The following DLGAP2 variants were observed in gnomAD, a reference collection of about 807,000 sequenced individuals.
DLGAP2 encodes the protein DLG associated protein 2.
In DLGAP2, 26 loss-of-function variants were observed where a neutral mutation model predicts 100.3. The observed-to-expected ratio is 0.26, with a 90% CI of 0.19 to 0.36. The LOEUF (loss-of-function observed/expected upper bound fraction) is 0.36, where lower values mean the gene tolerates loss of function less well. Ranked by LOEUF, DLGAP2 falls within the 10% of genes least tolerant of loss-of-function variation. DLGAP2 has a pLI of 1.00. For missense variants in DLGAP2, 1,858 were observed against 1,453.2 expected, an observed-to-expected ratio of 1.28 and a Z score of -4.53; for synonymous variants, 886 against 630.1, an observed-to-expected ratio of 1.41 and a Z score of -6.08.
At chr8:1,461,174 T>C (rs977587250) in intron 3 of DLGAP2, among the ~76,000 whole-genome samples, 14 of 140,144 alleles carry the variant, frequency 1.0e-4, no homozygotes, top group Admixed American at 2.2e-4. Context: ...TGGGAGAAGG[T>C]GCTGCTGTCA....
chr8:752,522 C>T (rs1055135974), intron 1 of DLGAP2, among the ~76,000 whole-genome samples: 8 of 152,204 alleles, frequency 5.3e-5, no homozygotes, highest in East Asian at 3.9e-4. Context: ...CGCCTGGGCT[C>T]GGTGTGGGGT....
At chr8:1,026,875 C>G (rs368302576) in intron 2 of DLGAP2, among the ~76,000 whole-genome samples, 1 of 152,206 alleles carries the variant, frequency 6.6e-6, no homozygotes, top group East Asian at 1.9e-4. Context: ...ATTCTAATTT[C>G]TTCTGATCTT....
chr8:1,101,602 C>G (rs1804581438), intron 2 of DLGAP2, among the ~76,000 whole-genome samples: 1 of 152,182 alleles, frequency 6.6e-6, no homozygotes. Flanking sequence ...GGTGACACGA[C>G]AATGGGAAGG....
chr8:1,356,463 G>A (rs922201155), intron 3 of DLGAP2, among the ~76,000 whole-genome samples: 6 of 152,208 alleles, frequency 3.9e-5, no homozygotes, highest in Non-Finnish European at 7.3e-5. Context: ...TGCAGTGGGC[G>A]TCTCCAGGGC....
intron 1 of DLGAP2, among the ~76,000 whole-genome samples, chr8:853,013 A>G (rs1214267109): frequency 1.3e-5 from 2 of 152,236 alleles, no homozygotes; most frequent in East Asian, 3.8e-4. Context: ...GTAGTGACAC[A>G]TTAAATAGTT....
At chr8:1,622,513 G>C (rs1390773644) in intron 6 of DLGAP2, 1 of 152,184 alleles carries the variant, frequency 6.6e-6, no homozygotes, top group Non-Finnish European at 1.5e-5. Context: ...CTGAGCCCAG[G>C]ATTCAGCAAG....
chr8:1,636,315 A>T (rs573546756), intron 8 of DLGAP2, among the ~76,000 whole-genome samples: 1 of 152,224 alleles, frequency 6.6e-6, no homozygotes, highest in African/African-American at 2.4e-5. Flanking sequence ...ATTAAAACAA[A>T]GGGAAAACCT....
intron 2 of DLGAP2, among the ~76,000 whole-genome samples, chr8:960,718 A>G (rs958863780): frequency 6.6e-6 from 1 of 152,220 alleles, no homozygotes; most frequent in African/African-American, 2.4e-5. Context: ...TCCTCGACTT[A>G]TGATGGAGTT....
At chr8:1,080,024 G>C (rs1803749665) in intron 2 of DLGAP2, among the ~76,000 whole-genome samples, 1 of 152,222 alleles carries the variant, frequency 6.6e-6, no homozygotes, top group Admixed American at 6.5e-5. Context: ...GCTTCTGAAA[G>C]AGGAGTGGGT....
At chr8:1,208,502 C>G (rs1798041207) in intron 2 of DLGAP2, among the ~76,000 whole-genome samples, 1 of 152,148 alleles carries the variant, frequency 6.6e-6, no homozygotes, top group African/African-American at 2.4e-5. Context: ...TCATCTATGA[C>G]ACACTAACAG....
At chr8:1,328,892 G>C (rs756907866) in intron 3 of DLGAP2, among the ~76,000 whole-genome samples, 6 of 152,188 alleles carry the variant, frequency 3.9e-5, no homozygotes, top group Non-Finnish European at 7.3e-5. Flanking sequence ...TGTGGTAGAA[G>C]CTTTCAGGAA....
chr8:1,692,901 T>C (rs1181333566), intron 13 of DLGAP2, among the ~76,000 whole-genome samples: 6 of 148,726 alleles, frequency 4.0e-5, no homozygotes, highest in Non-Finnish European at 8.9e-5. Flanking sequence ...TATATATAAA[T>C]ATATATACAC....
intron 3 of DLGAP2, among the ~76,000 whole-genome samples, chr8:1,374,887 C>G (rs905763230): frequency 1.3e-5 from 2 of 152,176 alleles, no homozygotes; most frequent in East Asian, 1.9e-4. Context: ...TCTTCCGTGA[C>G]TCGCCTGTTT....
chr8:1,282,364 G>A (rs1360837062), intron 3 of DLGAP2, among the ~76,000 whole-genome samples: 1 of 140,772 alleles, frequency 7.1e-6, no homozygotes, highest in Non-Finnish European at 1.5e-5. Flanking sequence ...GACGTGGTGT[G>A]ACCTGAACCC....
intron 1 of DLGAP2, among the ~76,000 whole-genome samples, chr8:792,235 G>T (rs1416315408): frequency 6.6e-6 from 1 of 152,022 alleles, no homozygotes; most frequent in Non-Finnish European, 1.5e-5. Flanking sequence ...CATATTCTTT[G>T]CCCATTTTAA....
intron 12 of DLGAP2, among the ~76,000 whole-genome samples, chr8:1,681,689 A>T (rs759471684): frequency 3.3e-5 from 5 of 152,230 alleles, no homozygotes; most frequent in Non-Finnish European, 7.3e-5. Flanking sequence ...CTCCCTGAAC[A>T]CATATGATAT....
intron 3 of DLGAP2, among the ~76,000 whole-genome samples, chr8:1,437,444 G>C (rs563644484): frequency 1.8e-3 from 267 of 152,302 alleles, no homozygotes; most frequent in African/African-American, 6.2e-3. Context: ...CCACTGGTTT[G>C]TAGCGTAAGA....
At chr8:965,696 C>T (rs6989335) in intron 2 of DLGAP2, among the ~76,000 whole-genome samples, 12 of 113,688 alleles carry the variant, frequency 1.1e-4, no homozygotes, top group South Asian at 5.7e-4. Flanking sequence ...TCACCTCACA[C>T]GGCTCCTGAG....
chr8:1,198,689 G>A (rs1489081110), intron 2 of DLGAP2, among the ~76,000 whole-genome samples: 1 of 152,220 alleles, frequency 6.6e-6, no homozygotes, highest in African/African-American at 2.4e-5. Flanking sequence ...CCATGGGTCA[G>A]GCAGGCCCCT....
Sources: gnomAD v4.1 joint callset for allele counts (sites outside exome capture counted in the v4.1 genomes callset) on GRCh38, gnomAD v4.1.1 for gene constraint, MANE v1.5 for transcripts, NCBI Gene and HGNC (gene_info 2026-07-23, HGNC 2026-07-21) for gene names.